The following TAS2R1 variants were observed in gnomAD, a reference collection of about 807,000 sequenced individuals.
TAS2R1 encodes the protein taste receptor type 2 member 1.
For synonymous variants in TAS2R1, 141 were observed against 134.2 expected (o/e 1.05, Z -0.35); for missense variants, 370 against 353.4 (o/e 1.05, Z -0.38).
At chr5:9,657,072 T>C (rs1201171453) in intron 2 of TAS2R1, among the ~76,000 whole-genome samples, 1 of 152,150 alleles carries the variant, frequency 6.6e-6, no homozygotes, top group Non-Finnish European at 1.5e-5. Context: ...TGTAATATGA[T>C]CTAATTTTAA....
upstream of TAS2R1, chr5:9,714,109 T>G (rs1335041127): frequency 1.3e-5 from 2 of 152,210 alleles, no homozygotes; most frequent in African/African-American, 4.8e-5. Context: ...CTTCCTCATG[T>G]GCACAAATGG....
the TAS2R1 span, among the ~76,000 whole-genome samples, chr5:9,896,482 C>G: frequency 6.6e-6 from 1 of 151,886 alleles, no homozygotes; most frequent in South Asian, 2.1e-4. Flanking sequence ...TGAAGCTCTG[C>G]GAGCCTTGTC....
chr5:9,782,607 T>C, the TAS2R1 span, among the ~76,000 whole-genome samples: 10 of 152,364 alleles, frequency 6.6e-5, no homozygotes, highest in Middle Eastern at 0.01. Context: ...CAGCACTGCA[T>C]GGTCTCCAGC....
the TAS2R1 span, among the ~76,000 whole-genome samples, chr5:9,884,332 G>A: frequency 6.6e-6 from 1 of 151,924 alleles, no homozygotes; most frequent in Non-Finnish European, 1.5e-5. Context: ...AAATTAGCTG[G>A]GTGTGGTGGT....
the TAS2R1 span, among the ~76,000 whole-genome samples, chr5:9,748,392 T>C: frequency 6.0e-4 from 91 of 152,204 alleles, no homozygotes; most frequent in Non-Finnish European, 8.8e-4. Flanking sequence ...TGCTCAACTT[T>C]ATAAAAGAGC....
chr5:9,840,113 C>T, the TAS2R1 span, among the ~76,000 whole-genome samples: 1 of 152,126 alleles, frequency 6.6e-6, no homozygotes, highest in Non-Finnish European at 1.5e-5. Flanking sequence ...GCATAAAGTT[C>T]CCTGGTGAGA....
At chr5:9,883,767 T>A in the TAS2R1 span, among the ~76,000 whole-genome samples, 6 of 152,198 alleles carry the variant, frequency 3.9e-5, no homozygotes, top group South Asian at 4.1e-4. Context: ...GTGGGTCCAG[T>A]GGCCAGCTCT....
the TAS2R1 span, among the ~76,000 whole-genome samples, chr5:9,892,680 T>C: frequency 6.6e-6 from 1 of 152,172 alleles, no homozygotes; most frequent in Non-Finnish European, 1.5e-5. Flanking sequence ...CCCCCTCCAC[T>C]GACCCATATT....
At chr5:9,842,966 G>A in the TAS2R1 span, among the ~76,000 whole-genome samples, 1 of 152,078 alleles carries the variant, frequency 6.6e-6, no homozygotes, top group Non-Finnish European at 1.5e-5. Flanking sequence ...ATTTCCATAT[G>A]CCATGCTCAT....
At chr5:9,739,608 A>C in the TAS2R1 span, among the ~76,000 whole-genome samples, 3 of 152,360 alleles carry the variant, frequency 2.0e-5, no homozygotes, top group African/African-American at 7.2e-5. Context: ...CGTAAGAGGC[A>C]GGTAAGATGC....
the TAS2R1 span, among the ~76,000 whole-genome samples, chr5:9,810,459 G>A: frequency 6.6e-6 from 1 of 152,136 alleles, no homozygotes; most frequent in Non-Finnish European, 1.5e-5. Flanking sequence ...CACTTCCGGG[G>A]GAGGTTGGAA....
At chr5:9,759,418 C>G in the TAS2R1 span, among the ~76,000 whole-genome samples, 1 of 152,292 alleles carries the variant, frequency 6.6e-6, no homozygotes, top group East Asian at 1.9e-4. Context: ...ATCAACAGAT[C>G]AGTGCATTAT....
chr5:9,820,161 A>G, the TAS2R1 span, among the ~76,000 whole-genome samples: 2 of 152,140 alleles, frequency 1.3e-5, no homozygotes, highest in African/African-American at 2.4e-5. Context: ...TGCACACTCT[A>G]TTTTCACCTG....
chr5:9,812,311 T>C, the TAS2R1 span, among the ~76,000 whole-genome samples: 12 of 152,112 alleles, frequency 7.9e-5, no homozygotes, highest in Non-Finnish European at 1.5e-4. Flanking sequence ...TAATATTATA[T>C]ATATGTATGT....
chr5:9,821,568 G>C, the TAS2R1 span, among the ~76,000 whole-genome samples: 1 of 152,202 alleles, frequency 6.6e-6, no homozygotes, highest in Non-Finnish European at 1.5e-5. Context: ...AGAAACAAGA[G>C]CATGATCTAA....
At chr5:9,758,749 C>T in the TAS2R1 span, among the ~76,000 whole-genome samples, 23 of 152,208 alleles carry the variant, frequency 1.5e-4, no homozygotes, top group South Asian at 4.8e-3. Context: ...AGACTGAGAG[C>T]CAAGAAAAGA....
intron 1 of TAS2R1, among the ~76,000 whole-genome samples, chr5:9,702,087 AAGTC>A (rs1741500448): frequency 6.6e-6 from 1 of 152,168 alleles, no homozygotes; most frequent in Non-Finnish European, 1.5e-5. Flanking sequence ...TCATTTCTCC[AAGTC>A]AGTCAGTTTA....
Position 9,654,951 on chromosome 5 carries a change from A to G in TAS2R1, c.-81+4470T>C, listed in dbSNP as rs184692651. 1.1e-4 allele frequency among the ~76,000 whole-genome samples: 16 copies of G among 152,358 alleles called. 1 individual carries two copies. The East Asian group carries it at 3.1e-3, about 29-fold the overall frequency. On this transcript the variant is annotated intron_variant, in intron 2 of 2. Coordinates refer to the TAS2R1 transcript ENST00000506620. ...CATGTTCCCACAAAAAGACTGTTAT[A>G]AAAATGCTCACAGTAGCTTTATTTA... is the stretch of plus-strand genomic sequence containing the variant.
chr5:9,738,014 G>A, the TAS2R1 span, among the ~76,000 whole-genome samples: 1 of 152,136 alleles, frequency 6.6e-6, no homozygotes, highest in African/African-American at 2.4e-5. Context: ...TGTTAACGCA[G>A]ACCTTTCTCT....
Sources: gnomAD v4.1 joint callset for allele counts (sites outside exome capture counted in the v4.1 genomes callset) on GRCh38, gnomAD v4.1.1 for gene constraint, MANE v1.5 for transcripts, NCBI Gene and HGNC (gene_info 2026-07-23, HGNC 2026-07-21) for gene names.